NINL: variants seen among roughly 807,000 people sequenced by gnomAD.
The protein encoded by NINL is ninein-like protein.
In NINL, 153 loss-of-function variants were observed where a neutral mutation model predicts 160.3. The ratio of observed to expected loss-of-function variants is 0.95; its 90% confidence interval spans 0.84 to 1.09. The LOEUF is 1.09. NINL is among the 50% of genes least tolerant of loss of function. NINL has a pLI of 0.00. For missense variants in NINL, 1,829 were observed against 1,764.0 expected (o/e 1.04, Z -0.66); for synonymous variants, 800 against 734.8 (o/e 1.09, Z -1.43).
rs758200823 is a variant in NINL, at chr20:25,490,034, G to C, written c.1486-49C>G. 5.3e-6 allele frequency: 8 copies of C among 1,502,028 alleles called. No homozygotes were observed. In the Admixed American group the frequency reaches 1.3e-4, roughly 25 times the overall value. 93.0% of individuals were successfully genotyped at this position (1,502,028 alleles called of 1,614,324 possible). On this transcript the variant is annotated intron_variant, in intron 11 of 23. Transcript: ENST00000278886. Reference sequence around the variant, plus strand: ...CATCAGGCTCCTGCAGGACGGAGGGGATGTGTGCAGGATGGAGGTGAGAGG... The same window carrying C: ...CATCAGGCTCCTGCAGGACGGAGGGCATGTGTGCAGGATGGAGGTGAGAGG...
At chr20:25,537,553 T>C (rs1452988422) in intron 1 of NINL, among the ~76,000 whole-genome samples, 1 of 152,142 alleles carries the variant, frequency 6.6e-6, no homozygotes, top group Non-Finnish European at 1.5e-5. Flanking sequence ...ACACACAAAA[T>C]TAAAACAGAG....
At chr20:25,465,135 T>C (rs1343752501) in intron 19 of NINL, among the ~76,000 whole-genome samples, 1 of 152,154 alleles carries the variant, frequency 6.6e-6, no homozygotes, top group Non-Finnish European at 1.5e-5. Context: ...TAATTTCCAG[T>C]TTACAAGGCA....
At chr20:25,462,266 G>C in intron 20 of NINL, 117 bp downstream of exon 20, 1 of 914,478 alleles carries the variant, frequency 1.1e-6, no homozygotes, top group Non-Finnish European at 1.6e-6. Flanking sequence ...AGGCATGCTT[G>C]GGAAGTCCCT....
At chr20:25,497,362 T>C (rs2063778090) in intron 9 of NINL, among the ~76,000 whole-genome samples, 1 of 152,234 alleles carries the variant, frequency 6.6e-6, no homozygotes, top group Non-Finnish European at 1.5e-5. Context: ...TTCCAGTGAC[T>C]GTTTCCCCAC....
chr20:25,471,210 C>G (rs1355963351), intron 17 of NINL, among the ~76,000 whole-genome samples: 2 of 152,038 alleles, frequency 1.3e-5, no homozygotes, highest in Non-Finnish European at 2.9e-5. Context: ...CCAGGCTGGT[C>G]TCGAATTCCT....
At chr20:25,536,431 C>A (rs1251956108) in intron 1 of NINL, among the ~76,000 whole-genome samples, 1 of 152,214 alleles carries the variant, frequency 6.6e-6, no homozygotes, top group Non-Finnish European at 1.5e-5. Flanking sequence ...TAAGCCAGGG[C>A]TGGGAGCAGT....
intron 1 of NINL, among the ~76,000 whole-genome samples, chr20:25,554,987 G>C (rs968443705): frequency 2.0e-5 from 3 of 152,048 alleles, no homozygotes; most frequent in African/African-American, 7.2e-5. Flanking sequence ...TATGTGCCCT[G>C]GGATGATTTT....
intron 8 of NINL, 70 bp downstream of exon 8, chr20:25,500,770 T>TC (rs2078733296): frequency 9.7e-6 from 15 of 1,541,944 alleles, no homozygotes; most frequent in Non-Finnish European, 1.3e-5. Context: ...GGACGCTCCA[T>TC]CCATCCTCCT....
At chr20:25,499,441 A>G (rs1410523552) in intron 8 of NINL, among the ~76,000 whole-genome samples, 1 of 152,214 alleles carries the variant, frequency 6.6e-6, no homozygotes, top group African/African-American at 2.4e-5. Context: ...CTGAAAGGGC[A>G]GAGGCAACAT....
intron 2 of NINL, among the ~76,000 whole-genome samples, chr20:25,524,292 T>C (rs2064314641): frequency 6.6e-6 from 1 of 152,182 alleles, no homozygotes; most frequent in African/African-American, 2.4e-5. Flanking sequence ...CTCGAAATGT[T>C]ACAGAGAGAA....
chr20:25,566,221 T>C (rs999081607), intron 1 of NINL, among the ~76,000 whole-genome samples: 32 of 152,086 alleles, frequency 2.1e-4, no homozygotes, highest in African/African-American at 7.7e-4. Flanking sequence ...CCAAAAATAG[T>C]TGGGAAACAA....
At position 25,500,875 on chromosome 20, in the gene NINL, G is replaced by A. The variant is rs1387261592; in HGVS notation, c.997C>T (p.Gln333Ter). 1 of 1,614,122 alleles carries A rather than the reference G, an allele frequency of 6.2e-7. No homozygotes were observed. Among genetic ancestry groups the A allele is most frequent in the Non-Finnish European group, 8.5e-7 (1 of 1,180,022 alleles). ...FPDQVLAMWT[Q>*]EGIQNGREIL... ...TCCCTGCCATTCTGAATCCCCTCCT[G>A]GGTCCACATGGCCAGGACCTGATCA... The change falls in exon 8 of 24, where the codon CAG (glutamine) becomes TAG (stop). Residue 333 changes from glutamine to a stop codon, truncating the protein, a stop_gained. Transcript: ENST00000278886. LOFTEE classifies it high-confidence loss of function.
intron 1 of NINL, among the ~76,000 whole-genome samples, chr20:25,535,305 G>A (rs1230218035): frequency 6.6e-6 from 1 of 152,170 alleles, no homozygotes; most frequent in Non-Finnish European, 1.5e-5. Flanking sequence ...AAAGTTTTGG[G>A]TAAGACATGA....
At chr20:25,480,031 C>T in intron 15 of NINL, 130 bp downstream of exon 15, 2 of 690,824 alleles carry the variant, frequency 2.9e-6, no homozygotes, top group Non-Finnish European at 5.1e-6. Context: ...ACTTTCCTCC[C>T]CAAAGGGGCT....
intron 1 of NINL, among the ~76,000 whole-genome samples, chr20:25,578,765 C>T (rs998822235): frequency 7.0e-5 from 10 of 143,138 alleles, no homozygotes; most frequent in African/African-American, 2.6e-4. Context: ...ACCACTCTAG[C>T]CTGGGTGACA....
intron 1 of NINL, among the ~76,000 whole-genome samples, chr20:25,563,700 A>C (rs1382177359): frequency 6.6e-6 from 1 of 152,214 alleles, no homozygotes; most frequent in African/African-American, 2.4e-5. Context: ...CACCATGCAA[A>C]TAATATTTTT....
At chr20:25,486,843 A>C (rs893510381) in intron 13 of NINL, among the ~76,000 whole-genome samples, 12 of 152,218 alleles carry the variant, frequency 7.9e-5, no homozygotes, top group Admixed American at 7.2e-4. Context: ...GACCCTTAAA[A>C]TCGAACAACA....
chr20:25,498,654 C>CA (rs2063807669), intron 8 of NINL, among the ~76,000 whole-genome samples: 1 of 152,220 alleles, frequency 6.6e-6, no homozygotes, highest in Non-Finnish European at 1.5e-5. Context: ...GCAGGCCCTT[C>CA]ATGGGGACTG....
chr20:25,453,496 G>A lies in NINL; in HGVS notation c.4104C>T (p.Leu1368=). The A allele has an allele frequency of 6.2e-7, 1 of 1,613,984 alleles. No homozygotes were observed. Among genetic ancestry groups the A allele is most frequent in the Non-Finnish European group, 8.5e-7 (1 of 1,179,948 alleles). The change falls in exon 24 of 24, where the codon CTC becomes CTT. Residue 1368 remains leucine, a synonymous_variant. Transcript: ENST00000278886. ...SRLLEEKVRA[L]NKLVSRIAPA... is the part of the protein sequence containing the mutation. The stretch of plus-strand genomic sequence containing the variant: ...GGGCAATCCTACTGACGAGTTTGTT[G>A]AGAGCGCGAACTTTTTCTTCCAAGA...
Sources: allele counts gnomAD v4.1 joint callset (sites outside exome capture counted in the v4.1 genomes callset), GRCh38; gene constraint gnomAD v4.1.1; transcripts MANE v1.5; gene names NCBI Gene and HGNC (gene_info 2026-07-23, HGNC 2026-07-21).